INIP: variants seen among roughly 807,000 people sequenced by gnomAD.
The protein encoded by INIP is INTS3 and NABP interacting protein.
A neutral mutation model predicts 14.0 loss-of-function variants in INIP; 9 were observed. The ratio of observed to expected loss-of-function variants is 0.64; its 90% CI spans 0.39 to 1.12. INIP has a LOEUF of 1.12. Ranked by LOEUF, INIP falls within the 50% of genes most tolerant of loss-of-function variation. The probability of loss-of-function intolerance (pLI) is 0.01; values close to 1 mark genes in which losing one functional copy is unlikely to be tolerated. For synonymous variants in INIP, 37 were observed against 41.5 expected (o/e 0.89, Z 0.41); for missense variants, 78 against 122.7 (o/e 0.64, Z 1.72).
rs1396410619 is a variant in INIP, at chr9:112,684,337, G to C, written c.*3201C>G. Reference sequence around the variant, plus strand: ...GATCGAGAGGACTGCTTGAGGCCAAGAGTTCAAGACCAGCCTGGGCAACAT... The same window carrying C: ...GATCGAGAGGACTGCTTGAGGCCAACAGTTCAAGACCAGCCTGGGCAACAT... On this transcript the variant is annotated 3_prime_UTR_variant, in exon 5 of 5. Transcript: ENST00000374242. 2 of 151,532 alleles carry C rather than the reference G, an allele frequency of 1.3e-5. No individual in the cohort carries two copies. Among genetic ancestry groups the C allele is most frequent in the Non-Finnish European group, 2.9e-5 (2 of 67,972 alleles). The allele number at this position is 151,532 out of a possible 1,614,324, so 9.4% of individuals were successfully genotyped here. A position where few individuals can be genotyped will look rare whatever the true frequency, so the allele number is the denominator to read the frequency against.
At chr9:112,715,773 CAAA>C (rs767866943) in intron 2 of INIP, among the ~76,000 whole-genome samples, 1 of 107,590 alleles carries the variant, frequency 9.3e-6, no homozygotes. Context: ...AATTCCATCT[CAAA>C]AAAAAAAAAA....
intron 2 of INIP, among the ~76,000 whole-genome samples, chr9:112,715,543 G>A (rs1050934005): frequency 1.3e-5 from 2 of 152,138 alleles, no homozygotes; most frequent in Non-Finnish European, 2.9e-5. Context: ...GGAGGCCAAG[G>A]CGGGCGGATC....
At chr9:112,704,287 G>T (rs974576955) in intron 2 of INIP, among the ~76,000 whole-genome samples, 25 of 152,128 alleles carry the variant, frequency 1.6e-4, no homozygotes, top group Non-Finnish European at 3.2e-4. Flanking sequence ...CTAAAACGGT[G>T]AATTAGTCCA....
In INIP at chr9:112,687,463, G is replaced by T; in HGVS notation, c.*75C>A. The T allele has an allele frequency of 1.1e-6, 1 of 887,448 alleles. No homozygotes were observed. Among genetic ancestry groups the T allele is most frequent in the Non-Finnish European group, 1.8e-6 (1 of 542,142 alleles). The allele number at this position is 887,448 out of a possible 1,614,324, so 55.0% of individuals were successfully genotyped here. A position where few individuals can be genotyped will look rare whatever the true frequency, so the allele number is the denominator to read the frequency against. Reference sequence around the variant, plus strand: ...GTTCACCAAAATTCTTAAAGTCACAGTTCATGTAGCACTGAATGATAGTAG... The same window carrying T: ...GTTCACCAAAATTCTTAAAGTCACATTTCATGTAGCACTGAATGATAGTAG... On this transcript the variant is annotated 3_prime_UTR_variant, in exon 5 of 5. Coordinates refer to ENST00000374242, the MANE Select transcript of INIP (RefSeq NM_021218.3).
chr9:112,712,036 G>A (rs1314621440), intron 2 of INIP, among the ~76,000 whole-genome samples: 2 of 152,206 alleles, frequency 1.3e-5, no homozygotes, highest in East Asian at 3.8e-4. Flanking sequence ...CCTTTTGCCT[G>A]AAGCATTCCC....
intron 2 of INIP, among the ~76,000 whole-genome samples, chr9:112,699,787 A>G (rs1424516898): frequency 6.6e-6 from 1 of 152,096 alleles, no homozygotes; most frequent in African/African-American, 2.4e-5. Flanking sequence ...AGTTGAATGT[A>G]CCTTTCCACT....
chr9:112,713,033 G>C (rs551183737), intron 2 of INIP, among the ~76,000 whole-genome samples: 9 of 152,282 alleles, frequency 5.9e-5, no homozygotes, highest in Non-Finnish European at 8.8e-5. Context: ...AAGCGAGACT[G>C]GGAGGAAATA....
chr9:112,705,110 C>CAAAAAAAAAAAAAAAAAAAAAAAAAAAA (rs1194911436), intron 2 of INIP, among the ~76,000 whole-genome samples: 1 of 46,038 alleles, frequency 2.2e-5, no homozygotes, highest in Non-Finnish European at 3.9e-5. Flanking sequence ...GACCCTGTCT[C>CAAAAAAAAAAAAAAAAAAAAAAAAAAAA]AAAAAAAAAA....
intron 2 of INIP, among the ~76,000 whole-genome samples, chr9:112,701,189 TTC>T (rs1838287659): frequency 1.3e-5 from 2 of 152,256 alleles, no homozygotes; most frequent in South Asian, 4.1e-4. Context: ...GCACCTGTAA[TTC>T]CAGGTACTCA....
At chr9:112,713,984 CAAAA>C (rs376955548) in intron 2 of INIP, among the ~76,000 whole-genome samples, 1 of 78,790 alleles carries the variant, frequency 1.3e-5, no homozygotes, top group Non-Finnish European at 2.8e-5. Flanking sequence ...AACTCCATCT[CAAAA>C]AAAAAAAAAA....
chr9:112,704,927 T>C (rs1838409758), intron 2 of INIP, among the ~76,000 whole-genome samples: 1 of 151,924 alleles, frequency 6.6e-6, no homozygotes, highest in Non-Finnish European at 1.5e-5. Context: ...CTGGGCAACA[T>C]AGTGAGACCT....
At chr9:112,716,416 A>G (rs756384555) in intron 2 of INIP, 45 bp downstream of exon 2, 5 of 1,550,964 alleles carry the variant, frequency 3.2e-6, no homozygotes, top group African/African-American at 1.4e-5. Flanking sequence ...TACATTTACT[A>G]TATTGGGGAA....
intron 2 of INIP, among the ~76,000 whole-genome samples, chr9:112,704,239 T>C (rs1838389379): frequency 2.6e-5 from 4 of 151,888 alleles, no homozygotes; most frequent in Admixed American, 2.6e-4. Context: ...GGCTGATGAG[T>C]TTGATCACAC....
intron 3 of INIP, among the ~76,000 whole-genome samples, chr9:112,693,714 G>A (rs1254124549): frequency 6.6e-6 from 1 of 152,094 alleles, no homozygotes; most frequent in Non-Finnish European, 1.5e-5. Flanking sequence ...CAGTGTTAAA[G>A]AAAAAAATCA....
At position 112,699,348 on chromosome 9, in the gene INIP, T is replaced by C. The variant is rs185457686; in HGVS notation, c.26-5115A>G. 2.5e-3 allele frequency among the ~76,000 whole-genome samples: 376 copies of C among 152,146 alleles called. 7 individuals are homozygous for C. Among genetic ancestry groups the C allele is most frequent in the Admixed American group, 0.022 (331 of 15,262 alleles). ...TAACAAAATTTTAAAAAAGATTCTTTCTCTTTAGTAGTAATCAGAATTTAA... is the reference window on the plus strand; with the variant it reads ...TAACAAAATTTTAAAAAAGATTCTTCCTCTTTAGTAGTAATCAGAATTTAA... On this transcript the variant is annotated intron_variant, in intron 2 of 4. Transcript: ENST00000374242.
At chr9:112,711,522 T>C (rs1032078598) in intron 2 of INIP, among the ~76,000 whole-genome samples, 2 of 152,248 alleles carry the variant, frequency 1.3e-5, no homozygotes, top group African/African-American at 4.8e-5. Context: ...AATTTAAAAT[T>C]TATTTTCATT....
Position 112,685,246 on chromosome 9 carries a change from C to CT in INIP, c.*2291dup, listed in dbSNP as rs77792170. 3,542 of 140,560 alleles carry CT rather than the reference C, an allele frequency of 0.025. 58 individuals are homozygous for CT. The highest frequency in any genetic ancestry group is 0.032 in the African/African-American group (1,229 of 38,386). 8.7% of individuals were successfully genotyped at this position (140,560 alleles called of 1,614,324 possible). On this transcript the variant is annotated 3_prime_UTR_variant, in exon 5 of 5. Coordinates refer to ENST00000374242, the MANE Select transcript of INIP (RefSeq NM_021218.3). ...GCATGCACCAGCACACCTAGCCAAT[C>CT]TTTTTTTTTTTTTTTTAATTTTTTA... is the stretch of plus-strand genomic sequence containing the variant.
intron 2 of INIP, among the ~76,000 whole-genome samples, chr9:112,704,232 T>A (rs116656982): frequency 0.012 from 1,767 of 152,290 alleles, 33 homozygotes; most frequent in African/African-American, 0.04. Context: ...ACGCAGTGGC[T>A]GATGAGTTTG....
intron 2 of INIP, 144 bp downstream of exon 2, chr9:112,716,317 C>T (rs1345896114): frequency 3.0e-6 from 2 of 665,308 alleles, no homozygotes; most frequent in East Asian, 3.0e-5. Flanking sequence ...ACTGGGATTA[C>T]AGGCGTGAGC....
Sources: allele counts gnomAD v4.1 joint callset (sites outside exome capture counted in the v4.1 genomes callset), GRCh38; gene constraint gnomAD v4.1.1; transcripts MANE v1.5; gene names NCBI Gene and HGNC (gene_info 2026-07-23, HGNC 2026-07-21).